The following SLC39A9 variants were observed in gnomAD, a reference collection of about 807,000 sequenced individuals.
The protein encoded by SLC39A9 is zinc transporter ZIP9.
A neutral mutation model predicts 28.4 loss-of-function variants in SLC39A9; 14 were observed. The observed-to-expected ratio is 0.49, with a 90% confidence interval of 0.33 to 0.77. SLC39A9 has a LOEUF of 0.77. Among genes scored for constraint, SLC39A9 ranks in the 30% least tolerant of loss-of-function variants. The pLI, the probability that SLC39A9 is intolerant of heterozygous loss-of-function variation, is 0.02. For missense variants in SLC39A9, 283 were observed against 381.1 expected (o/e 0.74, Z 2.14); for synonymous variants, 119 against 149.6 (o/e 0.80, Z 1.49).
intron 1 of SLC39A9, among the ~76,000 whole-genome samples, chr14:69,404,753 G>A: frequency 6.6e-6 from 1 of 151,870 alleles, no homozygotes; most frequent in Non-Finnish European, 1.5e-5. Context: ...TACCCTCCCT[G>A]CTTTATACTA....
At chr14:69,458,102 T>G (rs1396429147) in intron 6 of SLC39A9, among the ~76,000 whole-genome samples, 1 of 152,230 alleles carries the variant, frequency 6.6e-6, no homozygotes. Flanking sequence ...AATGTCACTT[T>G]ATACCCTATA....
chr14:69,416,465 A>G (rs1409575925), intron 1 of SLC39A9, among the ~76,000 whole-genome samples: 2 of 152,244 alleles, frequency 1.3e-5, no homozygotes, highest in African/African-American at 4.8e-5. Flanking sequence ...AGCATGATTT[A>G]TAAGACTTTG....
At chr14:69,407,718 A>G (rs1566906953) in intron 1 of SLC39A9, among the ~76,000 whole-genome samples, 1 of 150,636 alleles carries the variant, frequency 6.6e-6, no homozygotes, top group Non-Finnish European at 1.5e-5. Context: ...GGCTCACTGC[A>G]ACCTCCTCCT....
At chr14:69,409,961 G>T (rs1883176265) in intron 1 of SLC39A9, among the ~76,000 whole-genome samples, 1 of 151,972 alleles carries the variant, frequency 6.6e-6, no homozygotes, top group South Asian at 2.1e-4. Flanking sequence ...TAGAGGAAAA[G>T]GTATATTTAC....
At chr14:69,414,262 G>T (rs898567878) in intron 1 of SLC39A9, among the ~76,000 whole-genome samples, 1 of 152,042 alleles carries the variant, frequency 6.6e-6, no homozygotes, top group Non-Finnish European at 1.5e-5. Context: ...TGGCCAGGCT[G>T]GTCTCGAACT....
At chr14:69,449,963 GA>G (rs1885525172) in intron 3 of SLC39A9, among the ~76,000 whole-genome samples, 1 of 151,762 alleles carries the variant, frequency 6.6e-6, no homozygotes, top group South Asian at 2.1e-4. Context: ...CGAGGCGGGT[GA>G]ATCATGAGGT....
intron 3 of SLC39A9, among the ~76,000 whole-genome samples, chr14:69,446,073 C>T (rs1885285608): frequency 6.6e-6 from 1 of 151,864 alleles, no homozygotes; most frequent in African/African-American, 2.4e-5. Context: ...CAAAACAGTT[C>T]TGAAGCTGCT....
At chr14:69,426,746 C>G (rs12587174) in intron 2 of SLC39A9, among the ~76,000 whole-genome samples, 2 of 152,296 alleles carry the variant, frequency 1.3e-5, no homozygotes, top group East Asian at 3.9e-4. Context: ...CTGTTGAGGC[C>G]TAACACACCC....
chr14:69,450,250 TC>T (rs372742226), intron 3 of SLC39A9, among the ~76,000 whole-genome samples: 5 of 152,152 alleles, frequency 3.3e-5, no homozygotes, highest in Non-Finnish European at 7.4e-5. Flanking sequence ...GCTAGCCTTC[TC>T]CCAGGGTATC....
At chr14:69,451,253 T>C (rs915765609) in intron 3 of SLC39A9, among the ~76,000 whole-genome samples, 3 of 152,252 alleles carry the variant, frequency 2.0e-5, no homozygotes, top group Non-Finnish European at 2.9e-5. Flanking sequence ...TATCTTACTT[T>C]ACTTGTATAC....
At chr14:69,398,385 C>T (rs999203218), upstream of SLC39A9, 6 of 1,018,236 alleles carry the variant, frequency 5.9e-6, no homozygotes, top group Admixed American at 6.5e-5. Context: ...CATAGAGGCA[C>T]AGTCACTTCC....
intron 1 of SLC39A9, 62 bp from the exon 2 acceptor site, chr14:69,424,032 T>C: frequency 8.0e-7 from 1 of 1,251,306 alleles, no homozygotes; most frequent in African/African-American, 1.5e-5. Context: ...TACAGATACT[T>C]GAGAAACTTT....
intron 6 of SLC39A9, among the ~76,000 whole-genome samples, chr14:69,458,110 A>G (rs1176044706): frequency 6.6e-6 from 1 of 152,188 alleles, no homozygotes; most frequent in Non-Finnish European, 1.5e-5. Context: ...TTTATACCCT[A>G]TAAATATATA....
chr14:69,444,685 A>C (rs1019839335), intron 3 of SLC39A9, among the ~76,000 whole-genome samples: 1 of 152,264 alleles, frequency 6.6e-6, no homozygotes, highest in Non-Finnish European at 1.5e-5. Context: ...GAAAATACAT[A>C]TGCACAAGAT....
intron 1 of SLC39A9, among the ~76,000 whole-genome samples, chr14:69,421,513 G>A (rs748216446): frequency 5.3e-5 from 8 of 152,338 alleles, no homozygotes; most frequent in Middle Eastern, 3.4e-3. Context: ...CACCATTCTG[G>A]GAAAACCACT....
chr14:69,455,413 G>A (rs1345117111), intron 5 of SLC39A9, among the ~76,000 whole-genome samples: 9 of 150,324 alleles, frequency 6.0e-5, no homozygotes, highest in Middle Eastern at 3.4e-3. Context: ...TGCAACCTCC[G>A]CCTCCTGGGT....
intron 4 of SLC39A9, among the ~76,000 whole-genome samples, chr14:69,454,433 T>G (rs1272531549): frequency 1.3e-5 from 2 of 152,298 alleles, no homozygotes; most frequent in East Asian, 3.9e-4. Flanking sequence ...CCTATAAGAT[T>G]AAGAGATGCT....
Position 69,459,670 on chromosome 14 carries a change from T to C in SLC39A9, c.*1077T>C, listed in dbSNP as rs188448815. The C allele has an allele frequency of 1.3e-4, 128 of 985,190 alleles. No individual in the cohort carries two copies. In the African/African-American group the frequency reaches 2.2e-3, roughly 17 times the overall value. The allele number at this position is 985,190 out of a possible 1,614,324, so 61.0% of individuals were successfully genotyped here. On this transcript the variant is annotated 3_prime_UTR_variant, in exon 7 of 7. Transcript: ENST00000336643. ...TCTCACATAACCACCTGTAGCAAGA[T>C]GGATCATAAATGAGAAGTGTTTGCC...
chr14:69,461,427 C>G lies in SLC39A9; in HGVS notation c.*2834C>G. On this transcript the variant is annotated 3_prime_UTR_variant, in exon 7 of 7. Transcript: ENST00000336643. ...ACACTATTGCCAAATTTTTTTTTAGCAAAGATTCTGCACTGGAACGTAGAC... is the reference window on the plus strand; with the variant it reads ...ACACTATTGCCAAATTTTTTTTTAGGAAAGATTCTGCACTGGAACGTAGAC... The G allele has an allele frequency of 7.9e-7, 1 of 1,265,874 alleles. No individual in the cohort carries two copies. Among genetic ancestry groups the G allele is most frequent in the Non-Finnish European group, 1.0e-6 (1 of 998,148 alleles). The allele number at this position is 1,265,874 out of a possible 1,614,324, so 78.4% of individuals were successfully genotyped here.
Sources: gnomAD v4.1 joint callset for allele counts (sites outside exome capture counted in the v4.1 genomes callset) on GRCh38, gnomAD v4.1.1 for gene constraint, MANE v1.5 for transcripts, NCBI Gene and HGNC (gene_info 2026-07-23, HGNC 2026-07-21) for gene names.